The following PELI2 variants were observed in gnomAD, a reference collection of about 807,000 sequenced individuals.
The protein encoded by PELI2 is pellino E3 ubiquitin protein ligase family member 2, also known as E3 ubiquitin-protein ligase pellino homolog 2.
PELI2 carries 23 observed loss-of-function variants against 42.3 expected under a neutral mutation model. The ratio of observed to expected loss-of-function variants is 0.54; its 90% confidence interval spans 0.39 to 0.77. PELI2 has a LOEUF of 0.77. Among genes scored for constraint, PELI2 ranks in the 30% least tolerant of loss-of-function variants. PELI2 has a pLI of 0.00. For missense variants in PELI2, 463 were observed against 553.2 expected, an observed-to-expected ratio of 0.84 and a Z score of 1.64; for synonymous variants, 245 against 212.2, an observed-to-expected ratio of 1.15 and a Z score of -1.34.
intron 1 of PELI2, among the ~76,000 whole-genome samples, chr14:56,151,482 C>A (rs1884351195): frequency 6.6e-6 from 1 of 152,162 alleles, no homozygotes; most frequent in South Asian, 2.1e-4. Flanking sequence ...TGAACTTCTT[C>A]AATGCATTGT....
intron 2 of PELI2, among the ~76,000 whole-genome samples, chr14:56,200,263 A>G (rs1886286632): frequency 6.6e-6 from 1 of 152,282 alleles, no homozygotes; most frequent in South Asian, 2.1e-4. Context: ...TCATACAGGT[A>G]ATATCTATGG....
intron 2 of PELI2, among the ~76,000 whole-genome samples, chr14:56,239,946 C>T (rs1270029434): frequency 1.3e-5 from 2 of 152,118 alleles, no homozygotes; most frequent in Admixed American, 1.3e-4. Context: ...CTATCAGTAG[C>T]AGAAAAGAGT....
chr14:56,160,136 G>A (rs1884704548), intron 1 of PELI2, among the ~76,000 whole-genome samples: 1 of 152,004 alleles, frequency 6.6e-6, no homozygotes, highest in South Asian at 2.1e-4. Flanking sequence ...AATGCAGGAA[G>A]TAACAGAGTG....
intron 1 of PELI2, among the ~76,000 whole-genome samples, chr14:56,155,453 T>C (rs1346071710): frequency 1.3e-5 from 2 of 152,200 alleles, no homozygotes; most frequent in South Asian, 2.1e-4. Context: ...CACAATCGAT[T>C]AGATGATCCA....
At position 56,180,119 on chromosome 14, in the gene PELI2, C is replaced by A. The variant is rs939319256; in HGVS notation, c.207+1655C>A. Reference sequence around the variant, plus strand: ...AGATTATTAATCTTTTGATAATTGTCATCTAAGTCTGTGTTTAAAAATATT... The same window carrying A: ...AGATTATTAATCTTTTGATAATTGTAATCTAAGTCTGTGTTTAAAAATATT... On this transcript the variant is annotated intron_variant, in intron 2 of 5. Coordinates refer to ENST00000267460, the MANE Select transcript of PELI2 (RefSeq NM_021255.3). The surrounding 1 kb of genome is among the most constrained non-coding windows in gnomAD (Gnocchi z 4.4). Among the ~76,000 whole-genome samples, 1 of 152,042 alleles carries A rather than the reference C, an allele frequency of 6.6e-6. No individual in the cohort carries two copies. Among genetic ancestry groups the A allele is most frequent in the Non-Finnish European group, 1.5e-5 (1 of 68,016 alleles).
chr14:56,182,487 G>C (rs971466472), intron 2 of PELI2, among the ~76,000 whole-genome samples: 3 of 152,126 alleles, frequency 2.0e-5, no homozygotes, highest in African/African-American at 7.2e-5. Flanking sequence ...TTTAAATTTA[G>C]CAACATTACT....
chr14:56,153,833 G>T (rs1884454087), intron 1 of PELI2, among the ~76,000 whole-genome samples: 1 of 152,146 alleles, frequency 6.6e-6, no homozygotes, highest in Non-Finnish European at 1.5e-5. Flanking sequence ...GATTAGTGGT[G>T]TTTGTGAATG....
At chr14:56,119,710 G>A in intron 1 of PELI2, 1 of 929,512 alleles carries the variant, frequency 1.1e-6, no homozygotes. Context: ...GGAGGGGGAA[G>A]GGGGAAGTGC....
intron 2 of PELI2, among the ~76,000 whole-genome samples, chr14:56,259,623 A>G (rs1178902573): frequency 1.3e-5 from 2 of 152,182 alleles, no homozygotes; most frequent in Admixed American, 6.5e-5. Context: ...GAAACTAGGA[A>G]TAGATGAAAC....
At chr14:56,242,887 C>T (rs920053830) in intron 2 of PELI2, among the ~76,000 whole-genome samples, 5 of 152,168 alleles carry the variant, frequency 3.3e-5, no homozygotes, top group Non-Finnish European at 7.3e-5. Context: ...TAAAAGACTA[C>T]ACATTGGGTA....
Position 56,170,578 on chromosome 14 carries a change from C to T in PELI2, c.78-7757C>T, listed in dbSNP as rs150173027. The stretch of plus-strand genomic sequence containing the variant: ...CTGACATTTCCTAACTGTGTAAGTT[C>T]GTGTGTGATCAGCCATTCTGAGCCT... On this transcript the variant is annotated intron_variant, in intron 1 of 5. Coordinates refer to ENST00000267460, the MANE Select transcript of PELI2 (RefSeq NM_021255.3). 5.3e-5 allele frequency among the ~76,000 whole-genome samples: 8 copies of T among 152,230 alleles called. No homozygotes were observed. In the East Asian group the frequency reaches 9.7e-4, roughly 18 times the overall value.
intron 1 of PELI2, among the ~76,000 whole-genome samples, chr14:56,173,824 G>T (rs1339491603): frequency 6.6e-6 from 1 of 152,180 alleles, no homozygotes; most frequent in Non-Finnish European, 1.5e-5. Context: ...AATCGAGGAT[G>T]ATCTCATCTT....
At chr14:56,238,558 C>T (rs1429297996) in intron 2 of PELI2, among the ~76,000 whole-genome samples, 1 of 152,148 alleles carries the variant, frequency 6.6e-6, no homozygotes, top group East Asian at 1.9e-4. Context: ...ACCCTCATCC[C>T]TCCGTGCTCT....
At chr14:56,256,170 G>A (rs1888521046) in intron 2 of PELI2, among the ~76,000 whole-genome samples, 1 of 152,128 alleles carries the variant, frequency 6.6e-6, no homozygotes, top group South Asian at 2.1e-4. Context: ...GCTCATGCCT[G>A]TAATCCTAGC....
intron 2 of PELI2, among the ~76,000 whole-genome samples, chr14:56,270,414 A>G (rs188050898): frequency 5.3e-5 from 8 of 152,372 alleles, no homozygotes; most frequent in Admixed American, 5.2e-4. Context: ...CACATATTTT[A>G]AACATAAATT....
intron 1 of PELI2, among the ~76,000 whole-genome samples, chr14:56,138,217 A>G (rs1274524482): frequency 1.3e-5 from 2 of 152,176 alleles, no homozygotes; most frequent in Admixed American, 1.3e-4. Flanking sequence ...TAAAGTAGTC[A>G]TTTTCCATGA....
intron 2 of PELI2, among the ~76,000 whole-genome samples, chr14:56,215,616 A>G (rs996004051): frequency 3.3e-4 from 51 of 152,378 alleles, no homozygotes; most frequent in Non-Finnish European, 5.6e-4. Context: ...CTGTAATACT[A>G]TTTTAATTTA....
chr14:56,121,406 G>T (rs1402908426), intron 1 of PELI2, among the ~76,000 whole-genome samples: 1 of 152,172 alleles, frequency 6.6e-6, no homozygotes, highest in Non-Finnish European at 1.5e-5. Flanking sequence ...ATTATTAAGA[G>T]ATTCCACATA....
At chr14:56,168,666 C>A (rs542489331) in intron 1 of PELI2, among the ~76,000 whole-genome samples, 10 of 152,104 alleles carry the variant, frequency 6.6e-5, no homozygotes, top group Non-Finnish European at 1.0e-4. Context: ...GCTCTACCCC[C>A]CTGTGGCCGT....
Sources: gnomAD v4.1 joint callset for allele counts (sites outside exome capture counted in the v4.1 genomes callset) on GRCh38, gnomAD v4.1.1 for gene constraint, Gnocchi (gnomAD v3.1) non-coding constraint, MANE v1.5 for transcripts, NCBI Gene and HGNC (gene_info 2026-07-23, HGNC 2026-07-21) for gene names.